Variants in FRMPD4 observed in about 807,000 individuals in gnomAD.
FRMPD4 encodes the protein FERM and PDZ domain containing 4.
Under a neutral mutation model 94.1 loss-of-function variants are expected in FRMPD4, and 22 were observed. That is an observed-to-expected ratio of 0.23 (90% CI 0.17 to 0.33). The LOEUF (loss-of-function observed/expected upper bound fraction) is 0.33, where lower values mean the gene tolerates loss of function less well. Among genes scored for constraint, FRMPD4 ranks in the 10% least tolerant of loss-of-function variants. The pLI is 1.00. For missense variants in FRMPD4, 1,111 were observed against 1,339.9 expected, an observed-to-expected ratio of 0.83 and a Z score of 2.67; for synonymous variants, 631 against 548.6, an observed-to-expected ratio of 1.15 and a Z score of -2.10.
intron 1 of FRMPD4, among the ~76,000 whole-genome samples, chrX:12,256,939 T>C (rs938152138): frequency 8.9e-6 from 1 of 111,994 alleles, no homozygotes; most frequent in African/African-American, 3.2e-5. Context: ...CAACTTATTA[T>C]CTCAGTGTTC....
upstream of FRMPD4, among the ~76,000 whole-genome samples, chrX:12,135,130 T>C (rs763787121): frequency 9.8e-5 from 11 of 112,130 alleles, no homozygotes; most frequent in African/African-American, 3.6e-4. Context: ...ATTCTCAAGG[T>C]TGGATAATAC....
intron 3 of FRMPD4, among the ~76,000 whole-genome samples, chrX:12,067,732 A>T (rs2054933797): frequency 8.9e-6 from 1 of 111,804 alleles, no homozygotes; most frequent in African/African-American, 3.2e-5. Flanking sequence ...GATACTTTTA[A>T]TGTAAAACAA....
At chrX:11,888,775 A>G in intron 3 of FRMPD4, among the ~76,000 whole-genome samples, 1 of 112,634 alleles carries the variant, frequency 8.9e-6, no homozygotes. Flanking sequence ...ATTTCTAAAA[A>G]AAATGCATAC....
At chrX:12,428,860 C>A (rs28715533) in intron 1 of FRMPD4, among the ~76,000 whole-genome samples, 4,252 of 110,770 alleles carry the variant, frequency 0.038, 235 homozygotes, top group African/African-American at 0.13. Context: ...GTTCTTCCCC[C>A]AATGTCATGT....
At chrX:12,231,010 G>GTATATATAGTA (rs1392441778) in intron 1 of FRMPD4, among the ~76,000 whole-genome samples, 1 of 39,161 alleles carries the variant, frequency 2.6e-5, no homozygotes, top group African/African-American at 9.3e-5. Flanking sequence ...ATAATATATA[G>GTATATATAGTA]TATATATAGT....
intron 1 of FRMPD4, among the ~76,000 whole-genome samples, chrX:12,408,174 G>A (rs765593902): frequency 8.5e-5 from 9 of 106,123 alleles, no homozygotes; most frequent in South Asian, 9.1e-4. Context: ...AGGGTGATTC[G>A]GAAGGGATAT....
intron 1 of FRMPD4, among the ~76,000 whole-genome samples, chrX:12,322,985 A>C (rs750068615): frequency 2.5e-4 from 28 of 112,047 alleles, no homozygotes; most frequent in Non-Finnish European, 3.9e-4. Flanking sequence ...AATCAATAGT[A>C]TCTAAAGTTT....
upstream of FRMPD4, among the ~76,000 whole-genome samples, chrX:12,133,851 T>A (rs1308597161): frequency 1.8e-5 from 2 of 111,818 alleles, no homozygotes; most frequent in African/African-American, 6.5e-5. Flanking sequence ...ATAAGTCAGA[T>A]TTGGCCACTT....
At chrX:12,600,670 CTTTAT>C (rs1196686173) in intron 2 of FRMPD4, among the ~76,000 whole-genome samples, 1 of 112,154 alleles carries the variant, frequency 8.9e-6, no homozygotes, top group Non-Finnish European at 1.9e-5. Flanking sequence ...AGCTGCTCGA[CTTTAT>C]TTTAATCATT....
At chrX:12,192,699 G>A (rs770998546) in intron 1 of FRMPD4, among the ~76,000 whole-genome samples, 2 of 111,856 alleles carry the variant, frequency 1.8e-5, no homozygotes, top group East Asian at 5.7e-4. Flanking sequence ...CCAAATGGTA[G>A]TGTCCATCAG....
At chrX:11,845,015 T>C (rs997883710) in intron 1 of FRMPD4, among the ~76,000 whole-genome samples, 5 of 112,448 alleles carry the variant, frequency 4.4e-5, no homozygotes, top group Non-Finnish European at 9.4e-5. Context: ...GTTTAATTTC[T>C]TACACTTTTC....
intron 2 of FRMPD4, among the ~76,000 whole-genome samples, chrX:11,872,339 A>G (rs1432863646): frequency 8.9e-6 from 1 of 112,340 alleles, no homozygotes; most frequent in Non-Finnish European, 1.9e-5. Context: ...AGATTGAGAG[A>G]AAGAGTTTGG....
intron 1 of FRMPD4, among the ~76,000 whole-genome samples, chrX:12,145,891 C>T (rs2055757517): frequency 8.9e-6 from 1 of 112,048 alleles, no homozygotes; most frequent in Non-Finnish European, 1.9e-5. Flanking sequence ...GCCAGCCCCG[C>T]TCTGGGGGAC....
At chrX:12,469,598 A>C (rs1028539657) in intron 1 of FRMPD4, among the ~76,000 whole-genome samples, 1 of 111,711 alleles carries the variant, frequency 9.0e-6, no homozygotes, top group Non-Finnish European at 1.9e-5. Context: ...CTTCTACAGA[A>C]AAAATGTTAT....
At chrX:12,400,463 G>A (rs960814302) in intron 1 of FRMPD4, among the ~76,000 whole-genome samples, 4 of 111,737 alleles carry the variant, frequency 3.6e-5, no homozygotes, top group Non-Finnish European at 7.5e-5. Flanking sequence ...TGTAGCAAGC[G>A]CCATGTCATA....
intron 4 of FRMPD4, among the ~76,000 whole-genome samples, chrX:12,653,818 G>A (rs964023241): frequency 2.7e-5 from 3 of 111,399 alleles, no homozygotes; most frequent in East Asian, 2.8e-4. Context: ...CCCAGGCTGG[G>A]GTGCAATGGC....
chrX:12,610,499 C>A (rs2059171475), intron 3 of FRMPD4, among the ~76,000 whole-genome samples: 1 of 112,659 alleles, frequency 8.9e-6, no homozygotes, highest in African/African-American at 3.2e-5. Flanking sequence ...ATAATCCCAG[C>A]ACTTTGAGAG....
chrX:11,828,251 A>G (rs1352717013), intron 1 of FRMPD4, among the ~76,000 whole-genome samples: 3 of 112,193 alleles, frequency 2.7e-5, no homozygotes, highest in Non-Finnish European at 5.6e-5. Context: ...ACTAGTACAA[A>G]AAAGAGAAAA....
At chrX:12,099,463 T>C (rs750973278) in intron 3 of FRMPD4, among the ~76,000 whole-genome samples, 5 of 112,160 alleles carry the variant, frequency 4.5e-5, no homozygotes, top group Admixed American at 9.5e-5. Flanking sequence ...GGCAAATCTC[T>C]AGGTTATCAA....
Sources: allele counts gnomAD v4.1 joint callset (sites outside exome capture counted in the v4.1 genomes callset), GRCh38; gene constraint gnomAD v4.1.1; transcripts MANE v1.5; gene names NCBI Gene and HGNC (gene_info 2026-07-23, HGNC 2026-07-21).